The following ZHX2 variants were observed in gnomAD, a reference collection of about 807,000 sequenced individuals.
ZHX2 encodes zinc fingers and homeoboxes 2, also known as zinc fingers and homeoboxes protein 2.
ZHX2 carries 6 observed loss-of-function variants against 21.9 expected under a neutral mutation model. That is an observed-to-expected ratio of 0.27 (90% CI 0.15 to 0.54). ZHX2 has a LOEUF of 0.54. Ranked by LOEUF, ZHX2 falls within the 20% of genes least tolerant of loss-of-function variation. The pLI, the probability that ZHX2 is intolerant of heterozygous loss-of-function variation, is 0.95. For synonymous variants in ZHX2, 434 were observed against 437.1 expected (o/e 0.99, Z 0.09); for missense variants, 908 against 1,090.7 (o/e 0.83, Z 2.36).
At chr8:122,819,868 A>G (rs1031670424) in intron 1 of ZHX2, among the ~76,000 whole-genome samples, 1 of 152,178 alleles carries the variant, frequency 6.6e-6, no homozygotes, top group African/African-American at 2.4e-5. Flanking sequence ...AATATATGCT[A>G]ATCAAAGCTG....
At chr8:122,890,097 C>T (rs190899150) in intron 2 of ZHX2, among the ~76,000 whole-genome samples, 2 of 152,236 alleles carry the variant, frequency 1.3e-5, no homozygotes, top group African/African-American at 4.8e-5. Flanking sequence ...TGGGGTCTTA[C>T]ATTTGTATCT....
At chr8:122,831,892 G>A (rs1183287732) in intron 1 of ZHX2, among the ~76,000 whole-genome samples, 1 of 152,162 alleles carries the variant, frequency 6.6e-6, no homozygotes, top group Non-Finnish European at 1.5e-5. Context: ...CTCGAGTGAG[G>A]GCGATGAGTT....
chr8:122,924,794 A>G (rs771699210), intron 2 of ZHX2, among the ~76,000 whole-genome samples: 1 of 152,222 alleles, frequency 6.6e-6, no homozygotes, highest in African/African-American at 2.4e-5. Context: ...AAAATGGTCC[A>G]CCATACCCCA....
At chr8:122,821,342 C>T (rs572820340) in intron 1 of ZHX2, among the ~76,000 whole-genome samples, 3 of 152,226 alleles carry the variant, frequency 2.0e-5, no homozygotes, top group East Asian at 1.9e-4. Context: ...GGGCCAGCTC[C>T]GTGGGCATCT....
At chr8:122,971,620 A>AATAAAAAATAAAAAAAAAAAAAT (rs773947648) in intron 3 of ZHX2, among the ~76,000 whole-genome samples, 1 of 149,694 alleles carries the variant, frequency 6.7e-6, no homozygotes, top group Admixed American at 6.8e-5. Flanking sequence ...ACAAAAAAAA[A>AATAAAAAATAAAAAAAAAAAAAT]AAAAAAAAAA....
intron 2 of ZHX2, among the ~76,000 whole-genome samples, chr8:122,880,315 C>T (rs1819682516): frequency 6.6e-6 from 1 of 152,014 alleles, no homozygotes; most frequent in Non-Finnish European, 1.5e-5. Flanking sequence ...GCTGGTGACA[C>T]GGAGTGACTC....
At chr8:122,911,833 A>G (rs1176276413) in intron 2 of ZHX2, among the ~76,000 whole-genome samples, 1 of 151,982 alleles carries the variant, frequency 6.6e-6, no homozygotes, top group East Asian at 1.9e-4. Flanking sequence ...AAGATGGTAC[A>G]TTTCAGCTGA....
At chr8:122,854,552 C>T (rs1818984220) in intron 1 of ZHX2, among the ~76,000 whole-genome samples, 2 of 152,220 alleles carry the variant, frequency 1.3e-5, no homozygotes, top group South Asian at 4.1e-4. Context: ...ACGCCTCTTT[C>T]CCTCCTTCCA....
chr8:122,917,124 C>T lies in ZHX2; in HGVS notation c.-219-34168C>T, dbSNP rs145966911. On this transcript the variant is annotated intron_variant, in intron 2 of 3. Transcript: ENST00000314393. ...ATTATGACCTGCGTTTCTCAGGGCT[C>T]CCAGCCTTGGGCTCCAAGTTGGGTC... is the stretch of plus-strand genomic sequence containing the variant. Among the ~76,000 whole-genome samples, 511 of 152,282 alleles carry T rather than the reference C, an allele frequency of 3.4e-3. 6 individuals carry two copies. The highest frequency in any genetic ancestry group is 0.012 in the African/African-American group (494 of 41,546).
At chr8:122,847,525 G>A (rs551628909) in intron 1 of ZHX2, among the ~76,000 whole-genome samples, 10 of 152,332 alleles carry the variant, frequency 6.6e-5, no homozygotes, top group Non-Finnish European at 1.3e-4. Flanking sequence ...GCCTTGCCTT[G>A]TACCTTGTCA....
chr8:122,811,163 T>C (rs1817919301), intron 1 of ZHX2, among the ~76,000 whole-genome samples: 1 of 152,058 alleles, frequency 6.6e-6, no homozygotes, highest in African/African-American at 2.4e-5. Flanking sequence ...GTGGATTGCC[T>C]GAGCTCAGGA....
At chr8:122,888,465 G>A (rs1819895583) in intron 2 of ZHX2, among the ~76,000 whole-genome samples, 1 of 151,890 alleles carries the variant, frequency 6.6e-6, no homozygotes, top group African/African-American at 2.4e-5. Context: ...ACAATTATTG[G>A]GGTTTCTTTG....
At chr8:122,921,095 G>A (rs1820727423) in intron 2 of ZHX2, among the ~76,000 whole-genome samples, 1 of 151,408 alleles carries the variant, frequency 6.6e-6, no homozygotes, top group African/African-American at 2.4e-5. Context: ...TTGTTTTTTT[G>A]AGATGGAGGA....
At chr8:122,826,154 C>T (rs1818262102) in intron 1 of ZHX2, among the ~76,000 whole-genome samples, 1 of 152,338 alleles carries the variant, frequency 6.6e-6, no homozygotes, top group African/African-American at 2.4e-5. Flanking sequence ...GCTCCATTCC[C>T]ACCAGCCCTG....
intron 2 of ZHX2, among the ~76,000 whole-genome samples, chr8:122,917,845 ACTGTGCATTCCT>A (rs1196115702): frequency 6.6e-6 from 1 of 152,112 alleles, no homozygotes; most frequent in Non-Finnish European, 1.5e-5. Context: ...ACACACCACC[ACTGTGCATTCCT>A]CACCCACAGC....
Position 122,851,110 on chromosome 8 carries a change from G to A in ZHX2, c.-282-12367G>A, listed in dbSNP as rs183853305. 2.8e-3 allele frequency among the ~76,000 whole-genome samples: 433 copies of A among 152,294 alleles called. 1 individual carries two copies. Among genetic ancestry groups the A allele is most frequent in the African/African-American group, 9.8e-3 (407 of 41,554 alleles). On this transcript the variant is annotated intron_variant, in intron 1 of 3. Transcript: ENST00000314393. Reference sequence around the variant, plus strand: ...GGGTGCCATTCACACCCACCAAAACGTGAAGGATGCCTGGGGGGTGCGAGA... The same window carrying A: ...GGGTGCCATTCACACCCACCAAAACATGAAGGATGCCTGGGGGGTGCGAGA...
chr8:122,830,584 C>T (rs1295856869), intron 1 of ZHX2, among the ~76,000 whole-genome samples: 1 of 152,134 alleles, frequency 6.6e-6, no homozygotes, highest in Non-Finnish European at 1.5e-5. Context: ...TGGTATTCAC[C>T]ATGTCGTTGT....
chr8:122,956,733 G>C (rs1039772630), intron 3 of ZHX2, among the ~76,000 whole-genome samples: 1 of 152,212 alleles, frequency 6.6e-6, no homozygotes, highest in African/African-American at 2.4e-5. Flanking sequence ...TTCTGAACGA[G>C]TTATGTTTGC....
At chr8:122,913,766 G>A (rs972586453) in intron 2 of ZHX2, among the ~76,000 whole-genome samples, 7 of 152,196 alleles carry the variant, frequency 4.6e-5, no homozygotes, top group African/African-American at 1.7e-4. Context: ...CATGTTTCAC[G>A]TTACTTATGG....
Sources: gnomAD v4.1 joint callset for allele counts (sites outside exome capture counted in the v4.1 genomes callset) on GRCh38, gnomAD v4.1.1 for gene constraint, MANE v1.5 for transcripts, NCBI Gene and HGNC (gene_info 2026-07-23, HGNC 2026-07-21) for gene names.